Variants in FAF2 observed in about 807,000 individuals in gnomAD.
FAF2 encodes the protein FAS-associated factor 2.
In FAF2, 9 loss-of-function variants were observed where a neutral mutation model predicts 62.3. The observed-to-expected ratio is 0.14, with a 90% CI of 0.09 to 0.25. The LOEUF (loss-of-function observed/expected upper bound fraction) is 0.25, where lower values mean the gene tolerates loss of function less well. FAF2 is among the 10% of genes least tolerant of loss of function. The pLI, the probability that FAF2 is intolerant of heterozygous loss-of-function variation, is 1.00. For missense variants in FAF2, 368 were observed against 556.2 expected (o/e 0.66, Z 3.40); for synonymous variants, 202 against 198.0 (o/e 1.02, Z -0.17).
Position 176,454,317 on chromosome 5 carries a change from C to T in FAF2, c.63+5847C>T, listed in dbSNP as rs1201420156. On this transcript the variant is annotated intron_variant, in intron 1 of 10. Transcript: ENST00000261942. ...GTAAGGCAGGAGAATCACTTGAATT[C>T]TGGAGGCGGAGGTTGCAGTGAGCCG... is the stretch of plus-strand genomic sequence containing the variant. Among the ~76,000 whole-genome samples, 6 of 152,154 alleles carry T rather than the reference C, an allele frequency of 3.9e-5. No homozygotes were observed. The East Asian group carries it at 9.7e-4, about 24-fold the overall frequency.
At chr5:176,450,805 G>T (rs1028498546) in intron 1 of FAF2, among the ~76,000 whole-genome samples, 2 of 152,108 alleles carry the variant, frequency 1.3e-5, no homozygotes, top group African/African-American at 2.4e-5. Flanking sequence ...CGCCCTCCTC[G>T]GCTGGGATTA....
intron 1 of FAF2, among the ~76,000 whole-genome samples, chr5:176,473,392 G>A (rs1758607139): frequency 6.6e-6 from 1 of 152,182 alleles, no homozygotes; most frequent in African/African-American, 2.4e-5. Flanking sequence ...GGTAAAGCAC[G>A]ATTTTCACTA....
At position 176,473,947 on chromosome 5, in the gene FAF2, A is replaced by G. The variant is rs558331524; in HGVS notation, c.64-5241A>G. On this transcript the variant is annotated intron_variant, in intron 1 of 10. Transcript: ENST00000261942. ...ACAAGATTCTCTAGGCACATCTTATATATTTCCGGCCCCAGTCCTAGAATC... is the reference window on the plus strand; with the variant it reads ...ACAAGATTCTCTAGGCACATCTTATGTATTTCCGGCCCCAGTCCTAGAATC... Among the ~76,000 whole-genome samples the G allele has an allele frequency of 1.2e-4, 18 of 152,276 alleles. No homozygotes were observed. In the East Asian group the frequency reaches 3.1e-3, roughly 26 times the overall value.
intron 8 of FAF2, among the ~76,000 whole-genome samples, chr5:176,497,421 A>G (rs77938786): frequency 0.014 from 2,070 of 152,170 alleles, 46 homozygotes; most frequent in African/African-American, 0.047. Flanking sequence ...CACAACACAC[A>G]CCCCTATATA....
At chr5:176,485,784 G>A (rs936631814) in intron 2 of FAF2, among the ~76,000 whole-genome samples, 1 of 151,830 alleles carries the variant, frequency 6.6e-6, no homozygotes, top group Admixed American at 6.6e-5. Context: ...GGCTGGTCTC[G>A]AATTTCTGGT....
chr5:176,451,811 C>CACATATAT lies in FAF2; in HGVS notation c.63+3344_63+3345insTATATACA. 1.0e-4 allele frequency among the ~76,000 whole-genome samples: 2 copies of CACATATAT among 20,024 alleles called. 1 individual carries two copies. Among genetic ancestry groups the CACATATAT allele is most frequent in the African/African-American group, 4.4e-4 (2 of 4,584 alleles). 13.1% of individuals were successfully genotyped at this position (20,024 alleles called of 152,430 possible). ...GTATATATATATACATATATATATA[C>CACATATAT]ACACATATATATATATACATATATA... is the stretch of plus-strand genomic sequence containing the variant. On this transcript the variant is annotated intron_variant, in intron 1 of 10. Coordinates refer to ENST00000261942, the MANE Select transcript of FAF2 (RefSeq NM_014613.3).
intron 10 of FAF2, among the ~76,000 whole-genome samples, chr5:176,501,466 G>A (rs1325833371): frequency 6.6e-6 from 1 of 152,164 alleles, no homozygotes; most frequent in Non-Finnish European, 1.5e-5. Context: ...ATTCTACAGG[G>A]CCTCAGATTT....
At chr5:176,490,265 C>T (rs536305838) in intron 4 of FAF2, among the ~76,000 whole-genome samples, 7 of 150,534 alleles carry the variant, frequency 4.7e-5, no homozygotes, top group South Asian at 2.1e-4. Context: ...GAGCCTAGAT[C>T]GCACCACTGC....
At chr5:176,483,863 T>C (rs1758827630) in intron 2 of FAF2, among the ~76,000 whole-genome samples, 1 of 151,878 alleles carries the variant, frequency 6.6e-6, no homozygotes, top group Non-Finnish European at 1.5e-5. Flanking sequence ...GATCACGAGG[T>C]CGGGAATTTA....
At chr5:176,461,251 C>G (rs1308525197) in intron 1 of FAF2, among the ~76,000 whole-genome samples, 1 of 149,358 alleles carries the variant, frequency 6.7e-6, no homozygotes, top group African/African-American at 2.5e-5. Context: ...TGACCTCAAG[C>G]AGTCCACCCA....
chr5:176,503,703 T>C (rs1755632665), intron 10 of FAF2, among the ~76,000 whole-genome samples: 4 of 152,172 alleles, frequency 2.6e-5, no homozygotes, highest in African/African-American at 9.7e-5. Context: ...CAGAAAAATC[T>C]CCAGGTCCCA....
intron 1 of FAF2, among the ~76,000 whole-genome samples, chr5:176,450,984 C>G (rs1311463276): frequency 6.6e-6 from 1 of 152,156 alleles, no homozygotes; most frequent in Admixed American, 6.5e-5. Context: ...GATTCATTAT[C>G]CAGACTGCCA....
chr5:176,492,049 T>C (rs1758978632), intron 4 of FAF2, 145 bp from the exon 5 acceptor site: 1 of 866,660 alleles, frequency 1.2e-6, no homozygotes, highest in African/African-American at 1.7e-5. Context: ...GACTCTACTC[T>C]CGGATTTGAT....
chr5:176,461,667 T>A (rs1758381921), intron 1 of FAF2, among the ~76,000 whole-genome samples: 1 of 151,838 alleles, frequency 6.6e-6, no homozygotes, highest in Non-Finnish European at 1.5e-5. Flanking sequence ...ATTATTATTA[T>A]TTGCTTGTTG....
At chr5:176,469,149 G>A (rs1296094092) in intron 1 of FAF2, among the ~76,000 whole-genome samples, 2 of 152,138 alleles carry the variant, frequency 1.3e-5, no homozygotes, top group African/African-American at 2.4e-5. Context: ...GGAGGCTGAG[G>A]TAGGAGAATC....
At chr5:176,477,634 C>T (rs930626903) in intron 1 of FAF2, among the ~76,000 whole-genome samples, 2 of 152,122 alleles carry the variant, frequency 1.3e-5, no homozygotes, top group African/African-American at 4.8e-5. Flanking sequence ...TTTTTTATTG[C>T]AAGTTTTTGT....
At chr5:176,493,928 A>G (rs1015868596) in intron 5 of FAF2, 71 bp from the exon 6 acceptor site, 9 of 1,015,202 alleles carry the variant, frequency 8.9e-6, no homozygotes, top group Non-Finnish European at 1.4e-5. Flanking sequence ...TGTATCCATT[A>G]GGACCCTTAG....
rs200343737 is a variant in FAF2 at position 176,482,543 on chromosome 5, C to CT, written c.132+3288dup. ...TGTTTTTTTGAGACAGGATTTCTCT[C>CT]TGTTGCCCAGGCTGGAGTACAGTGG... On this transcript the variant is annotated intron_variant, in intron 2 of 10. Transcript: ENST00000261942. Among the ~76,000 whole-genome samples, 923 of 152,254 alleles carry CT rather than the reference C, an allele frequency of 6.1e-3. 12 individuals carry two copies. Among genetic ancestry groups the CT allele is most frequent in the African/African-American group, 0.022 (898 of 41,546 alleles).
At chr5:176,482,306 G>T (rs1758794048) in intron 2 of FAF2, among the ~76,000 whole-genome samples, 1 of 149,808 alleles carries the variant, frequency 6.7e-6, no homozygotes, top group African/African-American at 2.5e-5. Context: ...CAACCTCCAC[G>T]TCCCAGGTTC....
Sources: allele counts gnomAD v4.1 joint callset (sites outside exome capture counted in the v4.1 genomes callset), GRCh38; gene constraint gnomAD v4.1.1; transcripts MANE v1.5; gene names NCBI Gene and HGNC (gene_info 2026-07-23, HGNC 2026-07-21).